GPC6: variants seen among roughly 807,000 people sequenced by gnomAD.
GPC6 encodes glypican 6.
A neutral mutation model predicts 55.2 loss-of-function variants in GPC6; 14 were observed. That is an observed-to-expected ratio of 0.25 (90% CI 0.17 to 0.40). The LOEUF is 0.40. Ranked by LOEUF, GPC6 falls within the 10% of genes least tolerant of loss-of-function variation. GPC6 has a pLI of 1.00. For synonymous variants in GPC6, 278 were observed against 259.6 expected (o/e 1.07, Z -0.68); for missense variants, 641 against 708.5 (o/e 0.90, Z 1.08).
intron 4 of GPC6, among the ~76,000 whole-genome samples, chr13:94,134,848 T>G (rs974757829): frequency 1.3e-5 from 2 of 152,188 alleles, no homozygotes; most frequent in Non-Finnish European, 2.9e-5. Flanking sequence ...TCACCTGTAA[T>G]GCTCTTATTT....
At chr13:93,379,714 G>A (rs1464676943) in intron 1 of GPC6, among the ~76,000 whole-genome samples, 3 of 152,110 alleles carry the variant, frequency 2.0e-5, no homozygotes, top group Admixed American at 1.3e-4. Context: ...GGATTGTCTC[G>A]TTCGTTCAGT....
intron 2 of GPC6, among the ~76,000 whole-genome samples, chr13:93,798,696 A>C (rs2138933650): frequency 6.6e-6 from 1 of 152,234 alleles, no homozygotes; most frequent in Middle Eastern, 3.4e-3. Context: ...AGGCAGGCAG[A>C]TCACCTGAGG....
intron 4 of GPC6, among the ~76,000 whole-genome samples, chr13:94,183,225 C>T (rs763034571): frequency 1.2e-4 from 19 of 152,184 alleles, no homozygotes; most frequent in Non-Finnish European, 2.5e-4. Flanking sequence ...TTACTTACCC[C>T]CAACCCCTGG....
chr13:94,260,657 C>T (rs1267398472), intron 4 of GPC6, among the ~76,000 whole-genome samples: 1 of 152,146 alleles, frequency 6.6e-6, no homozygotes, highest in Non-Finnish European at 1.5e-5. Context: ...GAAGTTAGGA[C>T]TTCAGCATAT....
intron 1 of GPC6, among the ~76,000 whole-genome samples, chr13:93,431,463 A>G (rs1158468760): frequency 1.3e-5 from 2 of 152,182 alleles, no homozygotes; most frequent in Non-Finnish European, 2.9e-5. Flanking sequence ...TAATTCTTTA[A>G]TATTGAAGAT....
At chr13:93,888,115 T>A (rs559743390) in intron 3 of GPC6, among the ~76,000 whole-genome samples, 136 of 152,260 alleles carry the variant, frequency 8.9e-4, no homozygotes, top group Middle Eastern at 3.4e-3. Flanking sequence ...TGGTTTTAGG[T>A]ATTTCAAAAT....
chr13:94,071,032 A>G (rs896923353), intron 4 of GPC6, among the ~76,000 whole-genome samples: 3 of 152,240 alleles, frequency 2.0e-5, no homozygotes, highest in Admixed American at 6.5e-5. Flanking sequence ...ATGATTGAGC[A>G]TTGTAATTGA....
chr13:93,359,122 A>G (rs1038812035), intron 1 of GPC6, among the ~76,000 whole-genome samples: 3 of 151,674 alleles, frequency 2.0e-5, no homozygotes, highest in African/African-American at 7.3e-5. Context: ...GCGTGCCACC[A>G]TGCTAGGCTA....
At chr13:94,270,542 A>G (rs919228709) in intron 4 of GPC6, among the ~76,000 whole-genome samples, 1 of 152,242 alleles carries the variant, frequency 6.6e-6, no homozygotes, top group Non-Finnish European at 1.5e-5. Flanking sequence ...AAGTATCACA[A>G]AATATTCGAA....
intron 2 of GPC6, among the ~76,000 whole-genome samples, chr13:93,692,261 G>C (rs930749030): frequency 6.6e-6 from 1 of 152,004 alleles, no homozygotes; most frequent in African/African-American, 2.4e-5. Context: ...TATGTTCCCA[G>C]ATTTATTTCC....
intron 2 of GPC6, among the ~76,000 whole-genome samples, chr13:93,707,072 G>A (rs1036958348): frequency 2.0e-5 from 3 of 151,592 alleles, no homozygotes; most frequent in African/African-American, 7.3e-5. Flanking sequence ...TATCTGCTTG[G>A]GGATAGGCTT....
chr13:93,621,205 G>C (rs1190868593), intron 2 of GPC6, among the ~76,000 whole-genome samples: 1 of 152,126 alleles, frequency 6.6e-6, no homozygotes, highest in Non-Finnish European at 1.5e-5. Context: ...TCTCAGAAAG[G>C]GAAAAGAGCA....
intron 1 of GPC6, among the ~76,000 whole-genome samples, chr13:93,368,379 T>G (rs1881335114): frequency 7.9e-6 from 1 of 126,766 alleles, no homozygotes; most frequent in Non-Finnish European, 1.8e-5. Context: ...CTTCCTTCCT[T>G]CCTTCCTTCC....
intron 4 of GPC6, among the ~76,000 whole-genome samples, chr13:94,128,264 A>T (rs915022717): frequency 6.6e-6 from 1 of 152,100 alleles, no homozygotes; most frequent in South Asian, 2.1e-4. Flanking sequence ...TAAAGTAGGA[A>T]AATTTTTATA....
At chr13:93,555,903 G>A (rs532363001) in intron 2 of GPC6, among the ~76,000 whole-genome samples, 23 of 152,258 alleles carry the variant, frequency 1.5e-4, no homozygotes, top group South Asian at 6.2e-4. Flanking sequence ...ACTGGCTTAC[G>A]TGGAATTGAG....
intron 4 of GPC6, among the ~76,000 whole-genome samples, chr13:94,081,456 T>C (rs1278241205): frequency 6.6e-6 from 1 of 152,202 alleles, no homozygotes; most frequent in Non-Finnish European, 1.5e-5. Context: ...CTTTGTTAAC[T>C]TGTTAAGAGA....
rs147341041 is a variant in GPC6 at position 93,437,263 on chromosome 13, C to T, written c.161-108000C>T. 2.0e-4 allele frequency among the ~76,000 whole-genome samples: 31 copies of T among 152,210 alleles called. No homozygotes were observed. In the East Asian group the frequency reaches 5.6e-3, roughly 27 times the overall value. ...AGGCCAGTTAATAATTCTACAGTGGCTTCTCAGTGTTCAAGTGAAAAAGAG... is the reference window on the plus strand; with the variant it reads ...AGGCCAGTTAATAATTCTACAGTGGTTTCTCAGTGTTCAAGTGAAAAAGAG... On this transcript the variant is annotated intron_variant, in intron 1 of 8. Coordinates refer to ENST00000377047, the MANE Select transcript of GPC6 (RefSeq NM_005708.5).
chr13:93,368,392 C>T (rs1280569037), intron 1 of GPC6, among the ~76,000 whole-genome samples: 3 of 143,616 alleles, frequency 2.1e-5, no homozygotes, highest in African/African-American at 8.0e-5. Flanking sequence ...TTCCTTCCGT[C>T]CTTCCTTCCT....
chr13:94,025,005 C>A (rs996121457), intron 3 of GPC6, among the ~76,000 whole-genome samples: 1 of 152,090 alleles, frequency 6.6e-6, no homozygotes, highest in Non-Finnish European at 1.5e-5. Context: ...TTATAAAATG[C>A]GTAGCAGTGA....
Sources: allele counts gnomAD v4.1 joint callset (sites outside exome capture counted in the v4.1 genomes callset), GRCh38; gene constraint gnomAD v4.1.1; transcripts MANE v1.5; gene names NCBI Gene and HGNC (gene_info 2026-07-23, HGNC 2026-07-21).